The following RBM12 variants were observed in gnomAD, a reference collection of about 807,000 sequenced individuals.
The protein encoded by RBM12 is RNA binding motif protein 12.
RBM12 carries 24 observed loss-of-function variants against 37.2 expected under a neutral mutation model. The ratio of observed to expected loss-of-function variants is 0.65; its 90% confidence interval spans 0.47 to 0.91. The LOEUF is 0.91. Among genes scored for constraint, RBM12 ranks in the 40% least tolerant of loss-of-function variants. RBM12 has a pLI of 0.00. For synonymous variants in RBM12, 420 were observed against 425.2 expected (o/e 0.99, Z 0.15); for missense variants, 1,061 against 1,183.2 (o/e 0.90, Z 1.52).
In RBM12 at chr20:35,654,765, C is replaced by CG; in HGVS notation, c.557dup (p.Pro187AlafsTer85). On this transcript the variant is annotated frameshift_variant, in exon 3 of 3. Coordinates refer to ENST00000374114, the MANE Select transcript of RBM12 (RefSeq NM_006047.6). LOFTEE classifies it high-confidence loss of function. ...CTGGAATTGGAGGAATTGGTGGCGG[C>CG]GGGACTGTGTTCATTGGAGAGGCTG... 6.2e-7 allele frequency: 1 copy of CG among 1,613,750 alleles called. No individual in the cohort carries two copies. Among genetic ancestry groups the CG allele is most frequent in the Non-Finnish European group, 8.5e-7 (1 of 1,179,750 alleles).
In RBM12 at chr20:35,651,875, T is replaced by C. The variant is rs2033546930; in HGVS notation, c.*649A>G. On this transcript the variant is annotated 3_prime_UTR_variant, in exon 3 of 3. Coordinates refer to ENST00000374114, the MANE Select transcript of RBM12 (RefSeq NM_006047.6). ...TTGAGGTTATAGCACAAACGAAGTG[T>C]GGACTTTTATATTTAGGGAAAAAAA... 1 of 152,618 alleles carries C rather than the reference T, an allele frequency of 6.6e-6. No individual in the cohort carries two copies. Among genetic ancestry groups the C allele is most frequent in the Non-Finnish European group, 1.5e-5 (1 of 68,032 alleles). The allele number at this position is 152,618 out of a possible 1,614,324, so 9.5% of individuals were successfully genotyped here. A position where few individuals can be genotyped will look rare whatever the true frequency, so the allele number is the denominator to read the frequency against.
chr20:35,661,828 A>C (rs182976608), intron 1 of RBM12, among the ~76,000 whole-genome samples: 15 of 152,352 alleles, frequency 9.8e-5, no homozygotes, highest in Non-Finnish European at 1.9e-4. Flanking sequence ...GTGAACTTTA[A>C]CTTTGTTCAG....
chr20:35,652,346 G>A lies in RBM12; in HGVS notation c.*178C>T. The A allele has an allele frequency of 5.9e-6, 4 of 678,978 alleles. No homozygotes were observed. In the South Asian group the frequency reaches 8.1e-5, roughly 14 times the overall value. The allele number at this position is 678,978 out of a possible 1,614,324, so 42.1% of individuals were successfully genotyped here. A position where few individuals can be genotyped will look rare whatever the true frequency, so the allele number is the denominator to read the frequency against. On this transcript the variant is annotated 3_prime_UTR_variant, in exon 3 of 3. Coordinates refer to ENST00000374114, the MANE Select transcript of RBM12 (RefSeq NM_006047.6). ...TAGCTTTACTGTAACATACAGCAAT[G>A]TTTATCCTGGTGAGTGAGTCTTCTG...
At position 35,655,015 on chromosome 20, in the gene RBM12, C is replaced by G. The variant is rs746310828; in HGVS notation, c.308G>C (p.Ser103Thr). Reference sequence around the variant, plus strand: ...TGAGCTAGGTGGTGGTCCTGATCTACTGGCATTTGCTGGTGGTATATCTAA... The same window carrying G: ...TGAGCTAGGTGGTGGTCCTGATCTAGTGGCATTTGCTGGTGGTATATCTAA... ...ANLDIPPANA[S>T]RSGPPPSSGM... Residue 103 changes from serine (S) to threonine (T), a missense_variant, in exon 3 of 3, where the codon AGT (serine) becomes ACT (threonine). Physicochemically the swap from Ser to Thr is moderately conservative, Grantham distance 58. Transcript: ENST00000374114. The G allele has an allele frequency of 3.7e-6, 6 of 1,614,192 alleles. No individual in the cohort carries two copies. Among genetic ancestry groups the G allele is most frequent in the Non-Finnish European group, 5.1e-6 (6 of 1,180,028 alleles).
At chr20:35,664,337 C>G (rs1371766303) in intron 1 of RBM12, 1 of 152,308 alleles carries the variant, frequency 6.6e-6, no homozygotes, top group Non-Finnish European at 1.5e-5. Flanking sequence ...AAGGAGTGTC[C>G]TCACTACGAT....
intron 1 of RBM12, among the ~76,000 whole-genome samples, chr20:35,659,956 A>T (rs2034138194): frequency 6.6e-6 from 1 of 152,234 alleles, no homozygotes; most frequent in Admixed American, 6.5e-5. Flanking sequence ...TGCTCATCTT[A>T]AATTAGTATC....
At chr20:35,656,773 C>T (rs1270143154) in intron 2 of RBM12, among the ~76,000 whole-genome samples, 1 of 147,176 alleles carries the variant, frequency 6.8e-6, no homozygotes, top group African/African-American at 2.4e-5. Flanking sequence ...TTCCAAAGTG[C>T]TGGGATTACA....
chr20:35,659,132 G>C, intron 1 of RBM12, 118 bp from the exon 2 acceptor site: 1 of 336,566 alleles, frequency 3.0e-6, no homozygotes, highest in South Asian at 1.2e-4. Context: ...TCATTAGAAT[G>C]CATATCAAAA....
chr20:35,654,196 G>A lies in RBM12; in HGVS notation c.1127C>T (p.Pro376Leu). ...AGCTACCCACTGTCTTTCTGTGGCAGGGCTAACTTCCACATAGCGTTGAAT... is the reference window on the plus strand; with the variant it reads ...AGCTACCCACTGTCTTTCTGTGGCAAGGCTAACTTCCACATAGCGTTGAAT... ...LMIQRYVEVS[P>L]ATERQWVAAG... The change falls in exon 3 of 3, where the codon CCT becomes CTT. Residue 376 changes from proline to leucine, a missense_variant. Coordinates refer to ENST00000374114, the MANE Select transcript of RBM12 (RefSeq NM_006047.6). 1 of 1,614,222 alleles carries A rather than the reference G, an allele frequency of 6.2e-7. No individual in the cohort carries two copies. Among genetic ancestry groups the A allele is most frequent in the Non-Finnish European group, 8.5e-7 (1 of 1,180,046 alleles).
rs766324133 is a variant in RBM12, at chr20:35,653,140, C to T, written c.2183G>A (p.Gly728Asp). 6 of 1,613,662 alleles carry T rather than the reference C, an allele frequency of 3.7e-6. No homozygotes were observed. The South Asian group carries it at 6.6e-5, about 18-fold the overall frequency. ...TGGTGGCCCAAAGGCATTTGATCCACCAAAATTACCAGGAAAGTTAAATGG... is the reference window on the plus strand; with the variant it reads ...TGGTGGCCCAAAGGCATTTGATCCATCAAAATTACCAGGAAAGTTAAATGG... ...GPPFNFPGNF[G>D]GSNAFGPPIP... is the part of the protein sequence containing the mutation. The change falls in exon 3 of 3, where the codon GGT becomes GAT. Residue 728 changes from glycine to aspartate, a missense_variant. Around this residue, in one of 3 missense-constraint regions of RBM12, gnomAD observed 517 missense variants for 534.0 expected, o/e 0.97. Transcript: ENST00000374114.
In RBM12 at chr20:35,653,289, AGGCAGTCCTGTGCTG is replaced by A. The variant is rs1246168035; in HGVS notation, c.2019_2033del (p.Ser674_Pro678del). On this transcript the variant is annotated inframe_deletion, in exon 3 of 3. Coordinates refer to ENST00000374114, the MANE Select transcript of RBM12 (RefSeq NM_006047.6). ...GTCCTGCACTGGTTATTGCTGAACC[AGGCAGTCCTGTGCTG>A]GGCAGGCCTGCACCGGGAAGTCCTG... 3 of 1,613,414 alleles carry A rather than the reference AGGCAGTCCTGTGCTG, an allele frequency of 1.9e-6. No homozygotes were observed. The highest frequency in any genetic ancestry group is 2.5e-6 in the Non-Finnish European group (3 of 1,179,784).
intron 1 of RBM12, among the ~76,000 whole-genome samples, chr20:35,660,642 G>C (rs183991694): frequency 6.6e-6 from 1 of 152,340 alleles, no homozygotes; most frequent in East Asian, 1.9e-4. Flanking sequence ...CAATGAGCAA[G>C]AGCATGAAGT....
chr20:35,653,471 C>T lies in RBM12; in HGVS notation c.1852G>A (p.Val618Ile), dbSNP rs191431095. The stretch of plus-strand genomic sequence containing the variant: ...TCTCTCATATCTTCTAGGGTAACTA[C>T]ATGAACAAAAGCTTCTCTCCCATTA... ...KLNGREAFVH[V>I]VTLEDMREIE... The change falls in exon 3 of 3, where the codon GTA becomes ATA. Residue 618 changes from valine to isoleucine, a missense_variant. Val to Ile is a conservative substitution (Grantham distance 29, BLOSUM62 3). Coordinates refer to ENST00000374114, the MANE Select transcript of RBM12 (RefSeq NM_006047.6). 7 of 1,614,236 alleles carry T rather than the reference C, an allele frequency of 4.3e-6. No homozygotes were observed. The East Asian group carries it at 1.3e-4, about 31-fold the overall frequency.
In RBM12 at chr20:35,650,543, A is replaced by C. The variant is rs550123932; in HGVS notation, c.*1981T>G. Reference sequence around the variant, plus strand: ...AGAAATGATTACTTAACATTAACTTAAATTAAACAGCATATACAAACGTTA... The same window carrying C: ...AGAAATGATTACTTAACATTAACTTCAATTAAACAGCATATACAAACGTTA... On this transcript the variant is annotated 3_prime_UTR_variant, in exon 3 of 3. Transcript: ENST00000374114. 4 of 150,506 alleles carry C rather than the reference A, an allele frequency of 2.7e-5. No homozygotes were observed. The highest frequency in any genetic ancestry group is 9.7e-5 in the African/African-American group (4 of 41,422). The allele number at this position is 150,506 out of a possible 1,614,324, so 9.3% of individuals were successfully genotyped here. A position where few individuals can be genotyped will look rare whatever the true frequency, so the allele number is the denominator to read the frequency against.
rs2033545745 is a variant in RBM12 at position 35,651,864 on chromosome 20, C to T, written c.*660G>A. The T allele has an allele frequency of 6.6e-6, 1 of 152,514 alleles. No homozygotes were observed. The allele number at this position is 152,514 out of a possible 1,614,324, so 9.4% of individuals were successfully genotyped here. A position where few individuals can be genotyped will look rare whatever the true frequency, so the allele number is the denominator to read the frequency against. On this transcript the variant is annotated 3_prime_UTR_variant, in exon 3 of 3. Transcript: ENST00000374114. ...GAAATCAAAGTTTGAGGTTATAGCA[C>T]AAACGAAGTGTGGACTTTTATATTT...
At position 35,652,255 on chromosome 20, in the gene RBM12, G is replaced by C; in HGVS notation, c.*269C>G. 1 of 324,760 alleles carries C rather than the reference G, an allele frequency of 3.1e-6. No homozygotes were observed. The highest frequency in any genetic ancestry group is 4.5e-5 in the Admixed American group (1 of 22,272). The allele number at this position is 324,760 out of a possible 1,614,324, so 20.1% of individuals were successfully genotyped here. A position where few individuals can be genotyped will look rare whatever the true frequency, so the allele number is the denominator to read the frequency against. On this transcript the variant is annotated 3_prime_UTR_variant, in exon 3 of 3. Transcript: ENST00000374114. ...TAGACTCCTTGATAAGCTTTATGTG[G>C]TCATTTGAGTTTTACAAATGGTTTC... is the stretch of plus-strand genomic sequence containing the variant.
chr20:35,656,647 G>A (rs937693925), intron 2 of RBM12, among the ~76,000 whole-genome samples: 3 of 152,158 alleles, frequency 2.0e-5, no homozygotes, highest in Non-Finnish European at 4.4e-5. Flanking sequence ...TAATTCTCCT[G>A]CCTCAGCCTC....
rs75207214 is a variant in RBM12 at position 35,660,445 on chromosome 20, C to T, written c.-107-1431G>A. Among the ~76,000 whole-genome samples, 142 of 152,266 alleles carry T rather than the reference C, an allele frequency of 9.3e-4. 3 individuals carry two copies. The East Asian group carries it at 0.021, about 23-fold the overall frequency. On this transcript the variant is annotated intron_variant, in intron 1 of 2. Coordinates refer to ENST00000374114, the MANE Select transcript of RBM12 (RefSeq NM_006047.6). ...GTTACCCAGGCTGGTCTCTTAACTCCTCACCTCAAGTGATCCACCCGCCTC... is the reference window on the plus strand; with the variant it reads ...GTTACCCAGGCTGGTCTCTTAACTCTTCACCTCAAGTGATCCACCCGCCTC...
intron 1 of RBM12, among the ~76,000 whole-genome samples, chr20:35,659,792 G>T (rs2034127672): frequency 1.3e-5 from 2 of 152,098 alleles, no homozygotes; most frequent in African/African-American, 4.8e-5. Flanking sequence ...TTATTAACAA[G>T]TCACAAGCAT....
Sources: allele counts gnomAD v4.1 joint callset (sites outside exome capture counted in the v4.1 genomes callset), GRCh38; gene constraint gnomAD v4.1.1; regional missense constraint gnomAD v4.1.1; transcripts MANE v1.5; gene names NCBI Gene and HGNC (gene_info 2026-07-23, HGNC 2026-07-21).